HMGB1: variants seen among roughly 807,000 people sequenced by gnomAD.
HMGB1 encodes high mobility group box 1.
For synonymous variants in HMGB1, 81 were observed against 84.0 expected, an observed-to-expected ratio of 0.96 and a Z score of 0.19; for missense variants, 79 against 253.5, an observed-to-expected ratio of 0.31 and a Z score of 4.67.
At chr13:30,462,132 G>C (rs895026273) in intron 4 of HMGB1, among the ~76,000 whole-genome samples, 4 of 152,062 alleles carry the variant, frequency 2.6e-5, no homozygotes, top group Admixed American at 1.3e-4. Flanking sequence ...GTGATGCTGT[G>C]GTTTTTTGAG....
At chr13:30,615,693 G>A (rs551497797) in intron 1 of HMGB1, among the ~76,000 whole-genome samples, 4 of 152,020 alleles carry the variant, frequency 2.6e-5, no homozygotes, top group Non-Finnish European at 4.4e-5. Flanking sequence ...AGAAATCATA[G>A]CAAGTAGCTT....
chr13:30,599,242 G>T (rs1487199900), intron 1 of HMGB1, among the ~76,000 whole-genome samples: 1 of 152,188 alleles, frequency 6.6e-6, no homozygotes, highest in East Asian at 1.9e-4. Flanking sequence ...GCCAAGGTGG[G>T]CGGATCACCT....
At chr13:30,524,702 AT>A (rs60564480) in intron 1 of HMGB1, among the ~76,000 whole-genome samples, 113,489 of 148,474 alleles carry the variant, frequency 0.76, 43,855 homozygotes, top group Non-Finnish European at 0.84. Context: ...AATAAAATAA[AT>A]AATAATAATA....
chr13:30,465,508 AT>A lies in HMGB1; in HGVS notation c.-15+287del, dbSNP rs1319113349. On this transcript the variant is annotated intron_variant, in intron 1 of 4. Transcript: ENST00000341423. ...CAAAATTTTTTTAATTAAAAAAAAA[AT>A]TTTTTTTTTTGCGCCAGTCAGCGCG... 1.9e-3 allele frequency among the ~76,000 whole-genome samples: 275 copies of A among 146,422 alleles called. 2 individuals are homozygous for A. Among genetic ancestry groups the A allele is most frequent in the African/African-American group, 5.9e-3 (237 of 40,324 alleles).
At chr13:30,501,352 T>C (rs1887730942) in intron 1 of HMGB1, among the ~76,000 whole-genome samples, 2 of 152,084 alleles carry the variant, frequency 1.3e-5, no homozygotes, top group African/African-American at 2.4e-5. Flanking sequence ...ACATCTAGTT[T>C]AGTTTAGTTT....
rs571042590 is a variant in HMGB1, at chr13:30,554,136, T to A, written c.-15+62535A>T. ...GAAGATGTGAAGTCATATTACACAG[T>A]ACATCTACTACGATTAGAAAATATC... On this transcript the variant is annotated intron_variant, in intron 1 of 4. Transcript: ENST00000405805. 7.9e-6 allele frequency: 10 copies of A among 1,261,264 alleles called. No homozygotes were observed. The African/African-American group carries it at 1.3e-4, about 17-fold the overall frequency. The allele number at this position is 1,261,264 out of a possible 1,614,324, so 78.1% of individuals were successfully genotyped here.
chr13:30,518,354 T>G (rs1352448415), intron 1 of HMGB1, among the ~76,000 whole-genome samples: 1 of 152,088 alleles, frequency 6.6e-6, no homozygotes. Context: ...ACAAAACACT[T>G]CTATATCCAG....
At chr13:30,524,848 T>C (rs1888329359) in intron 1 of HMGB1, among the ~76,000 whole-genome samples, 1 of 152,198 alleles carries the variant, frequency 6.6e-6, no homozygotes, top group South Asian at 2.1e-4. Context: ...TTGGTCACAT[T>C]GTATTTCACC....
chr13:30,556,567 T>C (rs965222348), intron 1 of HMGB1, among the ~76,000 whole-genome samples: 1 of 152,176 alleles, frequency 6.6e-6, no homozygotes, highest in Non-Finnish European at 1.5e-5. Flanking sequence ...CTATGGAGTA[T>C]TATTCAGCCA....
chr13:30,492,545 A>T (rs1593273555), intron 1 of HMGB1, among the ~76,000 whole-genome samples: 1 of 152,320 alleles, frequency 6.6e-6, no homozygotes, highest in East Asian at 1.9e-4. Flanking sequence ...TATCTGGAAA[A>T]CACAAATTAA....
At position 30,490,614 on chromosome 13, in the gene HMGB1, C is replaced by T. The variant is rs978103699; in HGVS notation, c.-14-26920G>A. Among the ~76,000 whole-genome samples the T allele has an allele frequency of 4.5e-5, 5 of 112,072 alleles. No individual in the cohort carries two copies. The East Asian group carries it at 1.1e-3, about 25-fold the overall frequency. The allele number at this position is 112,072 out of a possible 152,430, so 73.5% of individuals were successfully genotyped here. A position where few individuals can be genotyped will look rare whatever the true frequency, so the allele number is the denominator to read the frequency against. ...AGCCTGGGCAACAGAGTGAGACTGTCTGAACAGAAAAAAAAAAAAAAAAAT... is the reference window on the plus strand; with the variant it reads ...AGCCTGGGCAACAGAGTGAGACTGTTTGAACAGAAAAAAAAAAAAAAAAAT... On this transcript the variant is annotated intron_variant, in intron 1 of 4. Coordinates refer to the HMGB1 transcript ENST00000405805.
At chr13:30,491,660 CAA>C (rs71093072) in intron 1 of HMGB1, among the ~76,000 whole-genome samples, 16 of 120,058 alleles carry the variant, frequency 1.3e-4, no homozygotes, top group Admixed American at 1.7e-4. Context: ...GACCCTATCT[CAA>C]AAAAAAAAAA....
intron 1 of HMGB1, among the ~76,000 whole-genome samples, chr13:30,530,014 A>G (rs192550535): frequency 2.6e-5 from 4 of 152,350 alleles, no homozygotes; most frequent in Admixed American, 2.6e-4. Context: ...AAAAAATTCA[A>G]ATTCAACAAT....
chr13:30,529,582 GTGA>G (rs1888450588), intron 1 of HMGB1, among the ~76,000 whole-genome samples: 1 of 152,164 alleles, frequency 6.6e-6, no homozygotes, highest in Admixed American at 6.6e-5. Context: ...GCACTGCTGG[GTGA>G]TGAACGCAAA....
In HMGB1 at chr13:30,457,454, G is replaced by A. The variant is rs1194678962; in HGVS notation, c.*3903C>T. The A allele has an allele frequency of 6.6e-6, 1 of 152,214 alleles. No homozygotes were observed. Among genetic ancestry groups the A allele is most frequent in the Non-Finnish European group, 1.5e-5 (1 of 68,042 alleles). The allele number at this position is 152,214 out of a possible 1,614,324, so 9.4% of individuals were successfully genotyped here. On this transcript the variant is annotated 3_prime_UTR_variant, in exon 5 of 5. Coordinates refer to ENST00000341423, the MANE Select transcript of HMGB1 (RefSeq NM_002128.7). ...CTATTTAAGCTAAGCACAGTGGTGT[G>A]TCCCTGTAATCCCAGCTACTTGAGA...
At chr13:30,614,298 A>C (rs971015830) in intron 1 of HMGB1, among the ~76,000 whole-genome samples, 7 of 152,230 alleles carry the variant, frequency 4.6e-5, no homozygotes, top group Admixed American at 6.5e-5. Context: ...TTTGAGATGA[A>C]ATGGGATTAC....
At chr13:30,592,891 A>G (rs1871430768) in intron 1 of HMGB1, among the ~76,000 whole-genome samples, 1 of 151,336 alleles carries the variant, frequency 6.6e-6, no homozygotes, top group African/African-American at 2.4e-5. Flanking sequence ...AAAAAAGCGA[A>G]TCCCTGGGAC....
At chr13:30,469,320 C>G (rs896845880), upstream of HMGB1, among the ~76,000 whole-genome samples, 83 of 152,230 alleles carry the variant, frequency 5.5e-4, no homozygotes, top group Admixed American at 5.4e-3. Context: ...CTTCCTCCAT[C>G]CCCTCTAGGA....
Position 30,559,060 on chromosome 13 carries a change from T to C in HMGB1, c.-15+57611A>G, listed in dbSNP as rs1169936554. On this transcript the variant is annotated intron_variant, in intron 1 of 4. Coordinates refer to the HMGB1 transcript ENST00000405805. The surrounding 1 kb of genome is among the most constrained non-coding windows in gnomAD (Gnocchi z 6.6). ...GTACACTTTTCCAGAAAGCTCTGAA[T>C]CTATAGTTACTTTTAATTTTTAAAA... Among the ~76,000 whole-genome samples, 1 of 152,190 alleles carries C rather than the reference T, an allele frequency of 6.6e-6. No individual in the cohort carries two copies. The highest frequency in any genetic ancestry group is 1.5e-5 in the Non-Finnish European group (1 of 68,026).
Sources: gnomAD v4.1 joint callset for allele counts (sites outside exome capture counted in the v4.1 genomes callset) on GRCh38, gnomAD v4.1.1 for gene constraint, Gnocchi (gnomAD v3.1) non-coding constraint, MANE v1.5 for transcripts, NCBI Gene and HGNC (gene_info 2026-07-23, HGNC 2026-07-21) for gene names.